Variants in ANO4 observed in about 807,000 individuals in gnomAD.
The protein encoded by ANO4 is anoctamin 4, also known as anoctamin-4.
A neutral mutation model predicts 141.9 loss-of-function variants in ANO4; 69 were observed. The observed-to-expected ratio is 0.49, with a 90% CI of 0.40 to 0.59. ANO4 has a LOEUF of 0.59. Ranked by LOEUF, ANO4 falls within the 20% of genes least tolerant of loss-of-function variation. ANO4 has a pLI of 0.00. For synonymous variants in ANO4, 350 were observed against 394.3 expected, an observed-to-expected ratio of 0.89 and a Z score of 1.33; for missense variants, 894 against 1,162.2, an observed-to-expected ratio of 0.77 and a Z score of 3.36.
intron 13 of ANO4, chr12:101,047,862 A>C (rs1238422581): frequency 3.9e-6 from 1 of 259,544 alleles, no homozygotes; most frequent in Non-Finnish European, 6.0e-6. Context: ...ATAAGGCTGA[A>C]ATCCAGAGGG....
At chr12:100,943,423 A>G (rs2042594156) in intron 5 of ANO4, among the ~76,000 whole-genome samples, 1 of 152,198 alleles carries the variant, frequency 6.6e-6, no homozygotes, top group Non-Finnish European at 1.5e-5. Context: ...AGTTCGTACA[A>G]CCTGCGAGTT....
rs189315075 is a variant in ANO4, at chr12:100,756,451, G to T, written c.358+16346G>T. ...TGCAACCTCTGCCTCCCAGATTCAAGTGATTCTCCTGCCTCAGCCTCCTGA... is the reference window on the plus strand; with the variant it reads ...TGCAACCTCTGCCTCCCAGATTCAATTGATTCTCCTGCCTCAGCCTCCTGA... On this transcript the variant is annotated intron_variant, in intron 3 of 29. Transcript: ENST00000644049. Among the ~76,000 whole-genome samples the T allele has an allele frequency of 2.6e-3, 389 of 152,262 alleles. 1 individual carries two copies. The highest frequency in any genetic ancestry group is 8.6e-3 in the African/African-American group (357 of 41,562).
chr12:100,822,644 A>C (rs2036116664), intron 1 of ANO4, among the ~76,000 whole-genome samples: 2 of 152,150 alleles, frequency 1.3e-5, no homozygotes, highest in Non-Finnish European at 2.9e-5. Flanking sequence ...ACTGGGCATT[A>C]CCTTAACCAC....
chr12:100,911,064 A>C (rs1347200853), intron 2 of ANO4, among the ~76,000 whole-genome samples: 1 of 152,182 alleles, frequency 6.6e-6, no homozygotes, highest in Non-Finnish European at 1.5e-5. Context: ...CTTAGGCATT[A>C]AATGCATAGT....
At chr12:101,118,235 AAACTTTGT>A (rs1262315201) in intron 25 of ANO4, among the ~76,000 whole-genome samples, 2 of 152,168 alleles carry the variant, frequency 1.3e-5, no homozygotes, top group Non-Finnish European at 2.9e-5. Context: ...TTGGAGTTAA[AAACTTTGT>A]AATCATTTGA....
At chr12:100,828,612 T>G (rs17402445) in intron 1 of ANO4, among the ~76,000 whole-genome samples, 9,456 of 152,102 alleles carry the variant, frequency 0.062, 313 homozygotes, top group Middle Eastern at 0.095. Flanking sequence ...TTTATATCTT[T>G]TACACGTGAT....
At chr12:100,754,490 A>G (rs1211228766) in intron 3 of ANO4, among the ~76,000 whole-genome samples, 3 of 152,080 alleles carry the variant, frequency 2.0e-5, no homozygotes, top group African/African-American at 7.2e-5. Flanking sequence ...TTGGCTTATA[A>G]GCCATCATGG....
At chr12:100,792,639 T>A (rs1195741772), upstream of ANO4, among the ~76,000 whole-genome samples, 1 of 152,240 alleles carries the variant, frequency 6.6e-6, no homozygotes, top group Admixed American at 6.5e-5. Flanking sequence ...CTGGAATACC[T>A]ATTTTTATTG....
chr12:100,789,962 AAC>A (rs1164942884), upstream of ANO4, among the ~76,000 whole-genome samples: 8 of 152,228 alleles, frequency 5.3e-5, no homozygotes, highest in Non-Finnish European at 1.0e-4. Context: ...ACACTGCGGA[AAC>A]ACAGAGGAAG....
chr12:101,076,235 C>T (rs2049020456), intron 14 of ANO4, among the ~76,000 whole-genome samples: 1 of 152,120 alleles, frequency 6.6e-6, no homozygotes, highest in Non-Finnish European at 1.5e-5. Flanking sequence ...GCAAAGCCAT[C>T]ATGGTTGGAT....
Position 101,015,007 on chromosome 12 carries a change from T to TTTTTTTTTG in ANO4, c.735-5027_735-5026insTTTTTTTTG, listed in dbSNP as rs2046256075. Among the ~76,000 whole-genome samples the TTTTTTTTTG allele has an allele frequency of 2.0e-5, 3 of 151,674 alleles. No homozygotes were observed. In the South Asian group the frequency reaches 6.3e-4, roughly 32 times the overall value. On this transcript the variant is annotated intron_variant, in intron 8 of 27. Coordinates refer to ENST00000392977, the MANE Select transcript of ANO4 (RefSeq NM_001286615.2). ...ACCACACCCAGCTAATTTTTTTTTT[T>TTTTTTTTTG]GTAGAGATGGGGTCTCACTATGTTG... is the stretch of plus-strand genomic sequence containing the variant.
chr12:100,907,783 T>C (rs1353074538), intron 2 of ANO4, among the ~76,000 whole-genome samples: 2 of 152,208 alleles, frequency 1.3e-5, no homozygotes, highest in African/African-American at 4.8e-5. Flanking sequence ...AATGACATGA[T>C]ACTCAACTTC....
At chr12:100,812,501 A>AATG (rs1430662954) in intron 1 of ANO4, among the ~76,000 whole-genome samples, 1 of 152,196 alleles carries the variant, frequency 6.6e-6, no homozygotes, top group African/African-American at 2.4e-5. Context: ...CATACATAAT[A>AATG]ATGTGTATAC....
chr12:100,776,905 G>C, intron 3 of ANO4, among the ~76,000 whole-genome samples: 1 of 152,162 alleles, frequency 6.6e-6, no homozygotes, highest in East Asian at 1.9e-4. Context: ...TATGCAGGTA[G>C]TGGTATTTAC....
chr12:100,849,760 T>C (rs1373232558), intron 1 of ANO4, among the ~76,000 whole-genome samples: 1 of 152,242 alleles, frequency 6.6e-6, no homozygotes, highest in Non-Finnish European at 1.5e-5. Flanking sequence ...GAGCTATATT[T>C]TCTAGGTCAT....
intron 5 of ANO4, among the ~76,000 whole-genome samples, chr12:100,948,626 A>C (rs2042842646): frequency 6.6e-6 from 1 of 152,188 alleles, no homozygotes; most frequent in Admixed American, 6.5e-5. Flanking sequence ...TATTTAAAGA[A>C]ATATACAAAA....
At chr12:100,878,230 G>A (rs572371697) in intron 1 of ANO4, among the ~76,000 whole-genome samples, 1 of 152,270 alleles carries the variant, frequency 6.6e-6, no homozygotes, top group East Asian at 1.9e-4. Context: ...CATTAACTGA[G>A]CACCTATGGT....
At chr12:100,900,757 G>A (rs973745319) in intron 1 of ANO4, among the ~76,000 whole-genome samples, 3 of 152,028 alleles carry the variant, frequency 2.0e-5, no homozygotes, top group Non-Finnish European at 2.9e-5. Flanking sequence ...CTTTCTTATC[G>A]GTGTTTCTTA....
chr12:101,031,779 A>G (rs2046986954), intron 9 of ANO4, among the ~76,000 whole-genome samples: 1 of 152,178 alleles, frequency 6.6e-6, no homozygotes, highest in Non-Finnish European at 1.5e-5. Context: ...GCATTCCTTT[A>G]CATCAACAGT....
Sources: allele counts gnomAD v4.1 joint callset (sites outside exome capture counted in the v4.1 genomes callset), GRCh38; gene constraint gnomAD v4.1.1; transcripts MANE v1.5; gene names NCBI Gene and HGNC (gene_info 2026-07-23, HGNC 2026-07-21).